PHRF1: variants seen among roughly 807,000 people sequenced by gnomAD.
The protein encoded by PHRF1 is PHD and RING finger domain-containing protein 1.
In PHRF1, 53 loss-of-function variants were observed where a neutral mutation model predicts 128.9. That is an observed-to-expected ratio of 0.41 (90% CI 0.33 to 0.52). The LOEUF (loss-of-function observed/expected upper bound fraction) is 0.52, where lower values mean the gene tolerates loss of function less well. Among genes scored for constraint, PHRF1 ranks in the 20% least tolerant of loss-of-function variants. The pLI, the probability that PHRF1 is intolerant of heterozygous loss-of-function variation, is 0.21. For missense variants in PHRF1, 2,503 were observed against 2,284.5 expected (o/e 1.10, Z -1.95); for synonymous variants, 1,178 against 980.6 (o/e 1.20, Z -3.76).
rs367848709 is a variant in PHRF1, at chr11:607,155, G to A, written c.1699G>A (p.Gly567Arg). 119 of 1,612,908 alleles carry A rather than the reference G, an allele frequency of 7.4e-5. 1 individual carries two copies. In the Admixed American group the frequency reaches 1.3e-3, roughly 17 times the overall value. ...CCTGCAGCCCCGAGCACTGCCCTCC[G>A]GGAGCCCGGCCCAAGGCCCGTCAGG... ...GCLQPRALPS[G>R]SPAQGPSGNR... Residue 567 changes from glycine (G) to arginine (R), a missense_variant, in exon 14 of 18, where the codon GGG becomes AGG. Physicochemically the swap from Gly to Arg is moderately radical, Grantham distance 125. Coordinates refer to ENST00000264555, the MANE Select transcript of PHRF1 (RefSeq NM_001286581.2).
intron 11 of PHRF1, 49 bp downstream of exon 11, chr11:605,349 G>T: frequency 6.3e-7 from 1 of 1,597,582 alleles, no homozygotes; most frequent in Non-Finnish European, 8.5e-7. Context: ...CCTCTCCCTG[G>T]GGGCTGTGGG....
intron 9 of PHRF1, 109 bp from the exon 10 acceptor site, chr11:601,465 G>A (rs1803539971): frequency 3.4e-6 from 5 of 1,466,820 alleles, no homozygotes; most frequent in Non-Finnish European, 3.7e-6. Flanking sequence ...CGGTGCGTGT[G>A]GTCCCGCTGT....
At chr11:606,866 C>T (rs1467420034) in intron 13 of PHRF1, 200 bp from the exon 14 acceptor site, 17 of 979,586 alleles carry the variant, frequency 1.7e-5, no homozygotes, top group East Asian at 2.6e-5. Context: ...CTGATGGCCT[C>T]AGGCACTGTA....
rs1855623565 is a variant in PHRF1 at position 601,504 on chromosome 11, C to G, written c.1025-70C>G. ...GGCTCCTTGGGCTCCGTCCACTGGG[C>G]TGGACTCACAGGAATGGGGCAGGGA... On this transcript the variant is annotated intron_variant, in intron 9 of 17. Transcript: ENST00000264555. 3 of 1,600,038 alleles carry G rather than the reference C, an allele frequency of 1.9e-6. No individual in the cohort carries two copies. In the East Asian group the frequency reaches 6.7e-5, roughly 36 times the overall value.
Position 607,313 on chromosome 11 carries a change from G to A in PHRF1, c.1857G>A (p.Gly619=). ...TTCAGGCTCGGAACTTGTCAAATGG[G>A]AGTGTGCCTGGCTTCAGACAGAGCC... ...GAVQARNLSN[G]SVPGFRQSHS... The change falls in exon 14 of 18, where the codon GGG becomes GGA. Residue 619 remains glycine, a synonymous_variant. Coordinates refer to ENST00000264555, the MANE Select transcript of PHRF1 (RefSeq NM_001286581.2). The A allele has an allele frequency of 4.3e-6, 7 of 1,612,704 alleles. No individual in the cohort carries two copies. Among genetic ancestry groups the A allele is most frequent in the South Asian group, 3.3e-5 (3 of 91,088 alleles).
chr11:590,420 C>T (rs1453032838), intron 4 of PHRF1, among the ~76,000 whole-genome samples: 3 of 152,170 alleles, frequency 2.0e-5, no homozygotes, highest in South Asian at 2.1e-4. Flanking sequence ...GTCCATGCTG[C>T]GGCTCCAATC....
rs377174354 is a variant in PHRF1, at chr11:609,304, T to C, written c.3848T>C (p.Leu1283Pro). Residue 1283 changes from leucine (L) to proline (P), a missense_variant, in exon 14 of 18, where the codon CTC becomes CCC. Physicochemically the swap from Leu to Pro is moderately conservative, Grantham distance 98 (BLOSUM62 -3). Coordinates refer to ENST00000264555, the MANE Select transcript of PHRF1 (RefSeq NM_001286581.2). ...DFSSDAVFIQ[L>P]DDMSSPPSPE... ...TCAAGCGACGCCGTTTTCATCCAGC[T>C]CGATGACATGAGCTCGCCACCTTCT... The C allele has an allele frequency of 1.9e-6, 3 of 1,612,370 alleles. No homozygotes were observed. The African/African-American group carries it at 4.0e-5, about 22-fold the overall frequency.
chr11:591,841 G>A (rs1374051396), intron 5 of PHRF1, among the ~76,000 whole-genome samples: 1 of 151,992 alleles, frequency 6.6e-6, no homozygotes, highest in Non-Finnish European at 1.5e-5. Context: ...CAATCTCCTG[G>A]GCTCAAGCAA....
Position 608,726 on chromosome 11 carries a change from G to A in PHRF1, c.3270G>A (p.Arg1090=), listed in dbSNP as rs547427892. Residue 1090 remains arginine (R), a synonymous_variant, in exon 14 of 18, where the codon CGG becomes CGA. Transcript: ENST00000264555. ...GPWGHSRRTS[R]SRSGSPGSSS... Reference sequence around the variant, plus strand: ...GGGGCCACAGCCGGAGGACGTCCCGGTCGCGGTCGGGGAGCCCTGGCAGCT... The same window carrying A: ...GGGGCCACAGCCGGAGGACGTCCCGATCGCGGTCGGGGAGCCCTGGCAGCT... 1 of 1,611,472 alleles carries A rather than the reference G, an allele frequency of 6.2e-7. No homozygotes were observed. The highest frequency in any genetic ancestry group is 1.3e-5 in the African/African-American group (1 of 75,014).
chr11:611,509 C>T (rs1012734460), intron 17 of PHRF1, 125 bp from the exon 18 acceptor site: 2 of 1,374,122 alleles, frequency 1.5e-6, no homozygotes, highest in Non-Finnish European at 2.0e-6. Flanking sequence ...CGCCGTCTGT[C>T]TGCGTGCTGC....
Position 611,621 on chromosome 11 carries a change from C to T in PHRF1, c.4807-13C>T, listed in dbSNP as rs781454243. 4 of 1,612,798 alleles carry T rather than the reference C, an allele frequency of 2.5e-6. No individual in the cohort carries two copies. The highest frequency in any genetic ancestry group is 3.4e-6 in the Non-Finnish European group (4 of 1,179,794). ...TGTGAAAGGGCATTTGGTGATTGCA[C>T]CTCTTTCTCCAGATCTGCCACAGCA... On this transcript the variant is annotated splice_polypyrimidine_tract_variant and intron_variant, in intron 17 of 17. Transcript: ENST00000264555.
chr11:576,734 G>GGC (rs963822571), intron 1 of PHRF1, 142 bp downstream of exon 1: 3 of 147,692 alleles, frequency 2.0e-5, no homozygotes, highest in African/African-American at 4.9e-5. Context: ...AGGGCGGGCG[G>GGC]GCGCGCGCGC....
In PHRF1 at chr11:609,734, C is replaced by T. The variant is rs1020710729; in HGVS notation, c.4264+14C>T. On this transcript the variant is annotated intron_variant, in intron 14 of 17. Coordinates refer to ENST00000264555, the MANE Select transcript of PHRF1 (RefSeq NM_001286581.2). ...ACAGAGCCCCCCGTGAGTAGTGCCC[C>T]GGCCCCCACCGAGGACAGAGCCCCC... 67 of 1,437,658 alleles carry T rather than the reference C, an allele frequency of 4.7e-5. No individual in the cohort carries two copies. Among genetic ancestry groups the T allele is most frequent in the Middle Eastern group, 5.1e-4 (2 of 3,932 alleles). The allele number at this position is 1,437,658 out of a possible 1,614,324, so 89.1% of individuals were successfully genotyped here.
At chr11:595,046 A>G (rs544717239) in intron 6 of PHRF1, among the ~76,000 whole-genome samples, 11 of 152,300 alleles carry the variant, frequency 7.2e-5, no homozygotes, top group African/African-American at 2.6e-4. Context: ...CACACGTCTA[A>G]AATTACTCAG....
Position 610,760 on chromosome 11 carries a change from A to T in PHRF1, c.4676A>T (p.Glu1559Val), listed in dbSNP as rs1443091621. Residue 1559 changes from glutamate (E) to valine (V), a missense_variant and splice_region_variant, in exon 16 of 18, where the codon GAG becomes GTG. Physicochemically the swap from Glu to Val is moderately radical, Grantham distance 121 (BLOSUM62 -2). Coordinates refer to ENST00000264555, the MANE Select transcript of PHRF1 (RefSeq NM_001286581.2). ...GCTGCGGAGAAAACCAAGAAGGAGG[A>T]GGTGAGTCCTGCCTCCTCCCACTTT... Reference protein sequence around the residue: ...RLAAEKTKKEEYMKKLHMQER... With the variant: ...RLAAEKTKKEVYMKKLHMQER... The T allele has an allele frequency of 2.5e-6, 4 of 1,600,466 alleles. No individual in the cohort carries two copies. The highest frequency in any genetic ancestry group is 1.6e-4 in the Middle Eastern group (1 of 6,082).
In PHRF1 at chr11:610,249, G is replaced by A; in HGVS notation, c.4318G>A (p.Asp1440Asn). The A allele has an allele frequency of 6.4e-7, 1 of 1,554,296 alleles. No individual in the cohort carries two copies. Among genetic ancestry groups the A allele is most frequent in the Non-Finnish European group, 8.7e-7 (1 of 1,148,932 alleles). The stretch of plus-strand genomic sequence containing the variant: ...CCGAGAAGGAGCCTGGGACATGGAG[G>A]ATGTGGCCCCCACAGGGGTCAGGCA... The part of the protein sequence containing the change: ...KPREGAWDME[D>N]VAPTGVRQVF... Residue 1440 changes from aspartate to asparagine, a missense_variant, in exon 15 of 18, where the codon GAT becomes AAT. Asp to Asn is a conservative substitution (Grantham distance 23, BLOSUM62 1). Coordinates refer to ENST00000264555, the MANE Select transcript of PHRF1 (RefSeq NM_001286581.2).
chr11:581,111 A>ATT (rs111447606), intron 1 of PHRF1, among the ~76,000 whole-genome samples: 2 of 143,918 alleles, frequency 1.4e-5, no homozygotes, highest in East Asian at 2.0e-4. Context: ...GGCGTGACCA[A>ATT]TTTTTTTTTT....
At position 597,152 on chromosome 11, in the gene PHRF1, C is replaced by T. The variant is rs960190168; in HGVS notation, c.718+132C>T. 46 of 1,061,114 alleles carry T rather than the reference C, an allele frequency of 4.3e-5. No individual in the cohort carries two copies. The African/African-American group carries it at 5.6e-4, about 13-fold the overall frequency. 65.7% of individuals were successfully genotyped at this position (1,061,114 alleles called of 1,614,324 possible). A position where few individuals can be genotyped will look rare whatever the true frequency, so the allele number is the denominator to read the frequency against. On this transcript the variant is annotated intron_variant, in intron 7 of 17. Transcript: ENST00000264555. The surrounding 1 kb of genome is among the most constrained non-coding windows in gnomAD (Gnocchi z 6.5). ...GTCTCATGGGGGTTAGGGTTGGCTG[C>T]GGTGTCGGGAGGACATCTAGGGCTG...
intron 10 of PHRF1, among the ~76,000 whole-genome samples, chr11:602,473 G>A (rs1377741654): frequency 6.6e-6 from 1 of 152,072 alleles, no homozygotes; most frequent in Non-Finnish European, 1.5e-5. Context: ...CTGAGGTCAG[G>A]AGTTCAAGGC....
Sources: gnomAD v4.1 joint callset for allele counts (sites outside exome capture counted in the v4.1 genomes callset) on GRCh38, gnomAD v4.1.1 for gene constraint, Gnocchi (gnomAD v3.1) non-coding constraint, MANE v1.5 for transcripts, NCBI Gene and HGNC (gene_info 2026-07-23, HGNC 2026-07-21) for gene names.